TCERG1L: variants seen among roughly 807,000 people sequenced by gnomAD.
TCERG1L encodes the protein transcription elongation regulator 1 like, also known as transcription elongation regulator 1-like protein.
TCERG1L carries 37 observed loss-of-function variants against 56.3 expected under a neutral mutation model. The ratio of observed to expected loss-of-function variants is 0.66; its 90% CI spans 0.51 to 0.87. The LOEUF is 0.87. TCERG1L is among the 40% of genes least tolerant of loss of function. The pLI is 0.00. For synonymous variants in TCERG1L, 324 were observed against 326.3 expected, an observed-to-expected ratio of 0.99 and a Z score of 0.08; for missense variants, 799 against 774.2, an observed-to-expected ratio of 1.03 and a Z score of -0.38.
chr10:131,263,193 A>G (rs984570546), intron 3 of TCERG1L, among the ~76,000 whole-genome samples: 3 of 152,040 alleles, frequency 2.0e-5, no homozygotes, highest in Non-Finnish European at 2.9e-5. Context: ...CACATCCTCA[A>G]TCTGCATTTA....
intron 8 of TCERG1L, among the ~76,000 whole-genome samples, chr10:131,130,079 G>A (rs1845601455): frequency 6.8e-6 from 1 of 146,848 alleles, no homozygotes; most frequent in Non-Finnish European, 1.5e-5. Flanking sequence ...CCGAGACTGG[G>A]TGATTTATAA....
intron 4 of TCERG1L, among the ~76,000 whole-genome samples, chr10:131,258,067 G>A (rs1242596254): frequency 3.3e-5 from 5 of 152,032 alleles, no homozygotes; most frequent in Admixed American, 6.6e-5. Flanking sequence ...TTTCCTCTCC[G>A]CCAGGCCGGG....
At chr10:131,205,281 A>T (rs1369942182) in intron 4 of TCERG1L, among the ~76,000 whole-genome samples, 2 of 151,978 alleles carry the variant, frequency 1.3e-5, no homozygotes, top group Non-Finnish European at 2.9e-5. Context: ...CACAAATCAG[A>T]TGCATCCCAA....
At chr10:131,281,171 A>T (rs2133562546) in intron 3 of TCERG1L, among the ~76,000 whole-genome samples, 1 of 152,294 alleles carries the variant, frequency 6.6e-6, no homozygotes, top group East Asian at 1.9e-4. Flanking sequence ...TCTATTGCAA[A>T]TTGTACAATA....
At chr10:131,184,288 G>A (rs1230556957) in intron 4 of TCERG1L, among the ~76,000 whole-genome samples, 1 of 152,220 alleles carries the variant, frequency 6.6e-6, no homozygotes, top group Admixed American at 6.5e-5. Context: ...CAGAAGTCAT[G>A]TCTTTTAATC....
At chr10:131,095,313 C>T (rs56349900) in intron 11 of TCERG1L, 12,468 of 153,224 alleles carry the variant, frequency 0.081, 553 homozygotes, top group Middle Eastern at 0.097. Context: ...GCTGCTCTCC[C>T]GAGAGGCGGG....
At position 131,270,436 on chromosome 10, in the gene TCERG1L, G is replaced by C. The variant is rs58194382; in HGVS notation, c.671-9992C>G. Among the ~76,000 whole-genome samples, 1,158 of 152,344 alleles carry C rather than the reference G, an allele frequency of 7.6e-3. 18 individuals carry two copies. Among genetic ancestry groups the C allele is most frequent in the African/African-American group, 0.026 (1,091 of 41,574 alleles). On this transcript the variant is annotated intron_variant, in intron 3 of 11. Transcript: ENST00000368642. The stretch of plus-strand genomic sequence containing the variant: ...TAAACAGTGAGATAAGACAGGTCCA[G>C]CCAAAGAAAACTGCTAAGCCAGCTC...
At chr10:131,154,550 CT>C (rs1234635193) in intron 6 of TCERG1L, among the ~76,000 whole-genome samples, 5 of 152,248 alleles carry the variant, frequency 3.3e-5, no homozygotes, top group Non-Finnish European at 5.9e-5. Flanking sequence ...GCCGTCTTCT[CT>C]CCCTCTCCTG....
chr10:131,137,541 T>C (rs1845689672), intron 7 of TCERG1L, among the ~76,000 whole-genome samples: 1 of 152,210 alleles, frequency 6.6e-6, no homozygotes, highest in African/African-American at 2.4e-5. Flanking sequence ...ATTCCAGCTC[T>C]GCCTGGAAGA....
intron 3 of TCERG1L, among the ~76,000 whole-genome samples, chr10:131,307,915 T>C (rs988674997): frequency 4.6e-5 from 7 of 151,964 alleles, no homozygotes; most frequent in Non-Finnish European, 8.8e-5. Context: ...TTAAGAGCTA[T>C]CAGCAGGAAA....
intron 4 of TCERG1L, among the ~76,000 whole-genome samples, chr10:131,185,839 A>C (rs1327551374): frequency 6.7e-6 from 1 of 148,702 alleles, no homozygotes; most frequent in Admixed American, 6.8e-5. Context: ...TGTGAGACTC[A>C]GTGATTCCAC....
At chr10:131,307,877 A>T (rs1050987957) in intron 3 of TCERG1L, among the ~76,000 whole-genome samples, 1 of 152,144 alleles carries the variant, frequency 6.6e-6, no homozygotes, top group East Asian at 1.9e-4. Context: ...CATTTTTTAA[A>T]GAGTAGACTG....
intron 3 of TCERG1L, among the ~76,000 whole-genome samples, chr10:131,263,351 A>G (rs1054503124): frequency 6.6e-6 from 1 of 152,232 alleles, no homozygotes; most frequent in African/African-American, 2.4e-5. Flanking sequence ...AATTTATAAG[A>G]TAAAGTAATT....
At chr10:131,276,341 G>C (rs2133558063) in intron 3 of TCERG1L, among the ~76,000 whole-genome samples, 1 of 152,332 alleles carries the variant, frequency 6.6e-6, no homozygotes, top group South Asian at 2.1e-4. Context: ...GCAGCCCAAG[G>C]CTTCATTGAC....
At chr10:131,173,638 C>G (rs978004382) in intron 4 of TCERG1L, among the ~76,000 whole-genome samples, 71 of 152,214 alleles carry the variant, frequency 4.7e-4, no homozygotes, top group Non-Finnish European at 1.0e-3. Flanking sequence ...AAGGCGGAAG[C>G]AGGAGAGACA....
In TCERG1L at chr10:131,127,405, G is replaced by A. The variant is rs529830080; in HGVS notation, c.1259+6974C>T. On this transcript the variant is annotated intron_variant, in intron 8 of 11. Transcript: ENST00000368642. The stretch of plus-strand genomic sequence containing the variant: ...ATTCCCAGGCCAGGAGGCAGCCCCC[G>A]GGCCTCTGCGGCTAAGAGGCTGATG... Among the ~76,000 whole-genome samples the A allele has an allele frequency of 1.1e-4, 17 of 152,298 alleles. No homozygotes were observed. In the South Asian group the frequency reaches 2.9e-3, roughly 26 times the overall value.
chr10:131,144,348 C>A (rs1358724928), intron 7 of TCERG1L, among the ~76,000 whole-genome samples: 1 of 152,124 alleles, frequency 6.6e-6, no homozygotes, highest in African/African-American at 2.4e-5. Flanking sequence ...TCTGACGAGC[C>A]GCGACGAACG....
chr10:131,141,756 G>A (rs959175081), intron 7 of TCERG1L, among the ~76,000 whole-genome samples: 4 of 151,962 alleles, frequency 2.6e-5, no homozygotes, highest in African/African-American at 9.7e-5. Context: ...AAACTACTCC[G>A]AAAAACGCTA....
At chr10:131,237,021 G>C (rs1396460687) in intron 4 of TCERG1L, among the ~76,000 whole-genome samples, 1 of 151,954 alleles carries the variant, frequency 6.6e-6, no homozygotes, top group Non-Finnish European at 1.5e-5. Flanking sequence ...ACCTGGAGTA[G>C]AGGAAAGTCC....
Sources: allele counts gnomAD v4.1 joint callset (sites outside exome capture counted in the v4.1 genomes callset), GRCh38; gene constraint gnomAD v4.1.1; transcripts MANE v1.5; gene names NCBI Gene and HGNC (gene_info 2026-07-23, HGNC 2026-07-21).